Variants in RIF1 observed in about 807,000 individuals in gnomAD.
RIF1 encodes the protein replication timing regulatory factor 1, also known as telomere-associated protein RIF1.
A neutral mutation model predicts 247.1 loss-of-function variants in RIF1; 45 were observed. The observed-to-expected ratio is 0.18, with a 90% CI of 0.14 to 0.23. The LOEUF (loss-of-function observed/expected upper bound fraction) is 0.23. Among genes scored for constraint, RIF1 ranks in the 10% least tolerant of loss-of-function variants. The pLI is 1.00. For missense variants in RIF1, 2,967 were observed against 2,862.5 expected, an observed-to-expected ratio of 1.04 and a Z score of -0.83; for synonymous variants, 1,087 against 978.8, an observed-to-expected ratio of 1.11 and a Z score of -2.06.
rs116917723 is a variant in RIF1, at chr2:151,412,498, G to A, written c.183+1160G>A. On this transcript the variant is annotated intron_variant, in intron 3 of 35. Coordinates refer to ENST00000444746, the MANE Select transcript of RIF1 (RefSeq NM_018151.5). ...ACCATGCCCAGCTTTTGTGCTTTTT[G>A]TTTGTTTGAGACAGAGTCTTGCTGT... Among the ~76,000 whole-genome samples, 529 of 150,940 alleles carry A rather than the reference G, an allele frequency of 3.5e-3. 7 individuals carry two copies. In the East Asian group the frequency reaches 0.045, roughly 13 times the overall value.
chr2:151,486,420 G>A (rs2050432378), downstream of RIF1: 1 of 157,786 alleles, frequency 6.3e-6, no homozygotes. Context: ...AAAGAGTGCA[G>A]CCACCTTGGA....
rs746558524 is a variant in RIF1 at position 151,505,551 on chromosome 2, A to G, written c.*862-659A>G. The G allele has an allele frequency of 1.9e-6, 3 of 1,613,612 alleles. No homozygotes were observed. Among genetic ancestry groups the G allele is most frequent in the Admixed American group, 1.7e-5 (1 of 60,012 alleles). On this transcript the variant is annotated intron_variant and NMD_transcript_variant, in intron 12 of 13. Transcript: ENST00000454583. ...GTCAGGGATTGGAGTTCCTTGTCCT[A>G]TTGCTTCCTTATACTTCACCTGCAG...
chr2:151,419,293 T>G (rs888861009), intron 6 of RIF1, among the ~76,000 whole-genome samples: 69 of 152,160 alleles, frequency 4.5e-4, no homozygotes, highest in Admixed American at 4.2e-3. Flanking sequence ...AGTATATACA[T>G]AAACCAGTAA....
At chr2:151,435,804 C>A (rs565527598) in intron 11 of RIF1, among the ~76,000 whole-genome samples, 1 of 149,834 alleles carries the variant, frequency 6.7e-6, no homozygotes, top group East Asian at 2.0e-4. Context: ...CTGTTGTAAG[C>A]GCATTGTTGT....
chr2:151,464,059 T>G lies in RIF1; in HGVS notation c.4539T>G (p.Ser1513=). ...KKKADPENIK[S]EGDGTQDIVD... The stretch of plus-strand genomic sequence containing the variant: ...AGGCAGACCCTGAGAACATTAAGTC[T>G]GAGGGGGATGGTACCCAGGACATTG... Residue 1513 remains serine, a synonymous_variant, in exon 30 of 36, where the codon TCT becomes TCG. Transcript: ENST00000444746. The G allele has an allele frequency of 6.2e-7, 1 of 1,612,956 alleles. No individual in the cohort carries two copies. The highest frequency in any genetic ancestry group is 8.5e-7 in the Non-Finnish European group (1 of 1,179,724).
chr2:151,531,902 T>G, the RIF1 span: 1 of 257,816 alleles, frequency 3.9e-6, no homozygotes, highest in Non-Finnish European at 6.2e-6. Context: ...TTGATCTAAA[T>G]TGTGGAAGAG....
At chr2:151,498,517 T>C (rs917881273) in intron 10 of RIF1, among the ~76,000 whole-genome samples, 1 of 152,040 alleles carries the variant, frequency 6.6e-6, no homozygotes, top group Admixed American at 6.6e-5. Flanking sequence ...AAAGACATCT[T>C]CAAAAGCAAA....
At position 151,473,867 on chromosome 2, in the gene RIF1, G is replaced by A. The variant is rs2048769194; in HGVS notation, c.7096-97G>A. ...TGGTAGAACATAGGTTCTATGCAAT[G>A]TTTTCCAGTGTTTGTACTATTACTC... is the stretch of plus-strand genomic sequence containing the variant. On this transcript the variant is annotated intron_variant, in intron 34 of 35. Coordinates refer to ENST00000444746, the MANE Select transcript of RIF1 (RefSeq NM_018151.5). 2.2e-5 allele frequency: 16 copies of A among 713,884 alleles called. No individual in the cohort carries two copies. In the South Asian group the frequency reaches 2.4e-4, roughly 11 times the overall value. The allele number at this position is 713,884 out of a possible 1,614,324, so 44.2% of individuals were successfully genotyped here. A position where few individuals can be genotyped will look rare whatever the true frequency, so the allele number is the denominator to read the frequency against.
downstream of RIF1, among the ~76,000 whole-genome samples, chr2:151,484,586 ACT>A (rs935163091): frequency 3.9e-5 from 6 of 152,154 alleles, no homozygotes; most frequent in African/African-American, 9.7e-5. Flanking sequence ...ACAGAGGGAG[ACT>A]CTGTCTCCAA....
intron 10 of RIF1, among the ~76,000 whole-genome samples, chr2:151,435,149 A>G (rs1321270568): frequency 1.3e-5 from 2 of 152,190 alleles, no homozygotes; most frequent in Non-Finnish European, 2.9e-5. Flanking sequence ...TGGTACTAGG[A>G]TGATGTTAGA....
chr2:151,471,780 G>C (rs564612958), intron 34 of RIF1, among the ~76,000 whole-genome samples: 1 of 152,156 alleles, frequency 6.6e-6, no homozygotes, highest in African/African-American at 2.4e-5. Context: ...TAGCCTTGTA[G>C]TATAGTTTGA....
chr2:151,424,561 C>T (rs1688682545), intron 8 of RIF1, among the ~76,000 whole-genome samples: 1 of 152,092 alleles, frequency 6.6e-6, no homozygotes, highest in African/African-American at 2.4e-5. Context: ...CTGTAAACAC[C>T]AGTGTACAAA....
intron 10 of RIF1, among the ~76,000 whole-genome samples, chr2:151,434,715 C>T (rs960279871): frequency 1.3e-5 from 2 of 152,112 alleles, no homozygotes; most frequent in Admixed American, 6.6e-5. Flanking sequence ...GCTGGGATTA[C>T]AGGCATGAGC....
intron 13 of RIF1, chr2:151,506,782 A>G: frequency 1.5e-6 from 1 of 659,756 alleles, no homozygotes; most frequent in Non-Finnish European, 2.6e-6. Flanking sequence ...ATTTTAGCAA[A>G]TCACTGCTAG....
intron 21 of RIF1, among the ~76,000 whole-genome samples, chr2:151,452,142 TG>T (rs1236438723): frequency 6.6e-6 from 1 of 152,222 alleles, no homozygotes; most frequent in East Asian, 1.9e-4. Flanking sequence ...ATCAGTTAAT[TG>T]GTTATTTTTT....
intron 11 of RIF1, chr2:151,501,309 T>C (rs957200823): frequency 2.1e-6 from 2 of 931,066 alleles, no homozygotes; most frequent in African/African-American, 1.7e-5. Flanking sequence ...TTGATTATTA[T>C]AAAGGGATGA....
rs574043026 is a variant in RIF1, at chr2:151,480,001, A to G, written c.*4930A>G. 1 of 152,314 alleles carries G rather than the reference A, an allele frequency of 6.6e-6. No homozygotes were observed. The highest frequency in any genetic ancestry group is 2.1e-4 in the South Asian group (1 of 4,826). 9.4% of individuals were successfully genotyped at this position (152,314 alleles called of 1,614,324 possible). ...GTTTGAAGATCTATAAATATTTAAT[A>G]TAGTAGTCTAAACAGTTGTGAGAAT... On this transcript the variant is annotated 3_prime_UTR_variant, in exon 36 of 36. Transcript: ENST00000444746.
At chr2:151,411,103 A>G (rs956750029) in intron 2 of RIF1, among the ~76,000 whole-genome samples, 157 bp from the exon 3 acceptor site, 1 of 152,148 alleles carries the variant, frequency 6.6e-6, no homozygotes, top group Non-Finnish European at 1.5e-5. Flanking sequence ...TATATATTGC[A>G]TTATATATTC....
chr2:151,433,116 A>G lies in RIF1; in HGVS notation c.965A>G (p.Gln322Arg). ...GCAAAAAGACTCAAGTTGTTAATGC[A>G]GCCTTTGAGTTCCATCCATGTGAGA... ...CSAKRLKLLM[Q>R]PLSSIHVRTE... The change falls in exon 10 of 36, where the codon CAG becomes CGG. Residue 322 changes from glutamine (Q) to arginine (R), a missense_variant. By Grantham distance (43) the Gln-to-Arg change is conservative. Transcript: ENST00000444746. The G allele has an allele frequency of 6.2e-7, 1 of 1,613,526 alleles. No individual in the cohort carries two copies.
Sources: allele counts gnomAD v4.1 joint callset (sites outside exome capture counted in the v4.1 genomes callset), GRCh38; gene constraint gnomAD v4.1.1; transcripts MANE v1.5; gene names NCBI Gene and HGNC (gene_info 2026-07-23, HGNC 2026-07-21).